CNTN5: variants seen among roughly 807,000 people sequenced by gnomAD.
CNTN5 encodes contactin 5, also known as contactin-5.
Under a neutral mutation model 129.1 loss-of-function variants are expected in CNTN5, and 77 were observed. The observed-to-expected ratio is 0.60, with a 90% CI of 0.50 to 0.72. The LOEUF is 0.72. CNTN5 is among the 30% of genes least tolerant of loss of function. CNTN5 has a pLI of 0.00. For synonymous variants in CNTN5, 509 were observed against 465.6 expected (o/e 1.09, Z -1.20); for missense variants, 1,478 against 1,328.8 (o/e 1.11, Z -1.75).
At chr11:99,098,805 G>A (rs17132998) in intron 1 of CNTN5, among the ~76,000 whole-genome samples, 2,031 of 151,964 alleles carry the variant, frequency 0.013, 47 homozygotes, top group African/African-American at 0.045. Flanking sequence ...AGACTAAAAG[G>A]TTTCCACAAG....
chr11:99,675,635 A>C (rs751087107), intron 3 of CNTN5, among the ~76,000 whole-genome samples: 4 of 152,114 alleles, frequency 2.6e-5, no homozygotes, highest in Non-Finnish European at 4.4e-5. Flanking sequence ...CAGTGAGCTG[A>C]GATTGTGCCC....
chr11:100,032,082 A>G (rs908542126), intron 9 of CNTN5, among the ~76,000 whole-genome samples: 33 of 152,250 alleles, frequency 2.2e-4, no homozygotes, highest in African/African-American at 7.9e-4. Context: ...AATGCACCTA[A>G]CCATATACTC....
intron 2 of CNTN5, among the ~76,000 whole-genome samples, chr11:99,464,185 T>G (rs1565204446): frequency 6.6e-6 from 1 of 152,212 alleles, no homozygotes; most frequent in African/African-American, 2.4e-5. Context: ...ATTTCCATAT[T>G]CAGCATGTAA....
At chr11:99,552,460 G>T (rs186280682) in intron 2 of CNTN5, among the ~76,000 whole-genome samples, 18 of 152,112 alleles carry the variant, frequency 1.2e-4, no homozygotes, top group African/African-American at 3.9e-4. Context: ...TAATTGCTAA[G>T]AATAAAAATA....
rs563080946 is a variant in CNTN5, at chr11:100,221,042, G to A, written c.1885-3650G>A. Among the ~76,000 whole-genome samples, 4 of 152,250 alleles carry A rather than the reference G, an allele frequency of 2.6e-5. No homozygotes were observed. The South Asian group carries it at 6.2e-4, about 24-fold the overall frequency. On this transcript the variant is annotated intron_variant, in intron 15 of 24. Transcript: ENST00000524871. ...CGTGGACCTTGGGGGAGACATCTAC[G>A]AATAGCAAGTGCTGATTCAGAGACA...
At chr11:100,150,034 C>G (rs955079825) in intron 13 of CNTN5, among the ~76,000 whole-genome samples, 1 of 151,892 alleles carries the variant, frequency 6.6e-6, no homozygotes. Flanking sequence ...GAGAAAAGTA[C>G]TTGGTGTGGA....
At chr11:99,512,761 T>C (rs1020773353) in intron 2 of CNTN5, among the ~76,000 whole-genome samples, 1 of 152,094 alleles carries the variant, frequency 6.6e-6, no homozygotes, top group Non-Finnish European at 1.5e-5. Context: ...AGGGTGAACA[T>C]AACTGATGTG....
chr11:99,688,270 A>G (rs1295641728), intron 3 of CNTN5, among the ~76,000 whole-genome samples: 3 of 152,274 alleles, frequency 2.0e-5, no homozygotes, highest in African/African-American at 7.2e-5. Flanking sequence ...TTGAACTCTT[A>G]GCCTTAAGTG....
chr11:99,291,414 C>G lies in CNTN5; in HGVS notation c.-209-33932C>G, dbSNP rs567521812. Reference sequence around the variant, plus strand: ...TAAATGGCCAATAAATTGTTTAAAACAGCATTTGCTATGCTGTGTCTTATA... The same window carrying G: ...TAAATGGCCAATAAATTGTTTAAAAGAGCATTTGCTATGCTGTGTCTTATA... On this transcript the variant is annotated intron_variant, in intron 1 of 24. Coordinates refer to ENST00000524871, the MANE Select transcript of CNTN5 (RefSeq NM_014361.4). Among the ~76,000 whole-genome samples the G allele has an allele frequency of 2.7e-5, 4 of 150,818 alleles. No homozygotes were observed. In the East Asian group the frequency reaches 8.1e-4, roughly 31 times the overall value.
chr11:99,050,989 G>A (rs938301753), intron 1 of CNTN5, among the ~76,000 whole-genome samples: 1 of 151,736 alleles, frequency 6.6e-6, no homozygotes, highest in African/African-American at 2.4e-5. Flanking sequence ...ATCATCATAA[G>A]CATACATGTA....
intron 2 of CNTN5, among the ~76,000 whole-genome samples, chr11:99,459,041 C>G (rs146512854): frequency 2.0e-5 from 3 of 152,092 alleles, no homozygotes; most frequent in Admixed American, 2.0e-4. Context: ...CAGTGGTAAA[C>G]TACTAAAATG....
chr11:100,059,206 A>G (rs1357658826), intron 9 of CNTN5, among the ~76,000 whole-genome samples: 3 of 152,194 alleles, frequency 2.0e-5, no homozygotes, highest in Non-Finnish European at 4.4e-5. Context: ...AATCACTTAC[A>G]TTCCCTATGT....
chr11:99,556,038 T>C, intron 2 of CNTN5, 107 bp from the exon 3 acceptor site: 1 of 435,960 alleles, frequency 2.3e-6, no homozygotes, highest in Non-Finnish European at 4.2e-6. Flanking sequence ...TTTGCACTAA[T>C]GGTTATTTAT....
intron 2 of CNTN5, among the ~76,000 whole-genome samples, chr11:99,468,417 C>T (rs1305151623): frequency 2.0e-5 from 3 of 152,114 alleles, no homozygotes; most frequent in Middle Eastern, 3.2e-3. Flanking sequence ...GGACTTAAAT[C>T]GGAGAATGTA....
At chr11:100,159,071 A>G (rs1009592032) in intron 13 of CNTN5, among the ~76,000 whole-genome samples, 13 of 151,926 alleles carry the variant, frequency 8.6e-5, no homozygotes, top group African/African-American at 2.9e-4. Context: ...GACACAAAGG[A>G]GCACATACTG....
chr11:100,009,264 T>G (rs1940378287), intron 9 of CNTN5, among the ~76,000 whole-genome samples: 1 of 152,064 alleles, frequency 6.6e-6, no homozygotes, highest in African/African-American at 2.4e-5. Flanking sequence ...GTGTACTAGT[T>G]TACTCCTAGA....
intron 6 of CNTN5, among the ~76,000 whole-genome samples, chr11:99,913,481 T>A (rs1213480588): frequency 6.6e-6 from 1 of 151,928 alleles, no homozygotes; most frequent in Non-Finnish European, 1.5e-5. Flanking sequence ...TATAAAAAAA[T>A]CTATTTATCT....
intron 13 of CNTN5, among the ~76,000 whole-genome samples, chr11:100,179,191 C>T (rs1203809494): frequency 6.6e-6 from 1 of 151,934 alleles, no homozygotes; most frequent in Admixed American, 6.6e-5. Flanking sequence ...TTTTTGTACC[C>T]ATTAACTATC....
intron 6 of CNTN5, among the ~76,000 whole-genome samples, chr11:99,865,511 G>T (rs1160110669): frequency 6.6e-6 from 1 of 151,310 alleles, no homozygotes; most frequent in Non-Finnish European, 1.5e-5. Flanking sequence ...TATATATATT[G>T]AAATGAATAT....
Sources: gnomAD v4.1 joint callset for allele counts (sites outside exome capture counted in the v4.1 genomes callset) on GRCh38, gnomAD v4.1.1 for gene constraint, MANE v1.5 for transcripts, NCBI Gene and HGNC (gene_info 2026-07-23, HGNC 2026-07-21) for gene names.